GULP1: variants seen among roughly 807,000 people sequenced by gnomAD.
The protein encoded by GULP1 is PTB domain-containing engulfment adapter protein 1.
Under a neutral mutation model 40.9 loss-of-function variants are expected in GULP1, and 19 were observed. The observed-to-expected ratio is 0.46, with a 90% CI of 0.32 to 0.68. The LOEUF is 0.68. Ranked by LOEUF, GULP1 falls within the 30% of genes least tolerant of loss-of-function variation. The pLI, the probability that GULP1 is intolerant of heterozygous loss-of-function variation, is 0.03. For missense variants in GULP1, 312 were observed against 362.2 expected (o/e 0.86, Z 1.12); for synonymous variants, 119 against 117.6 (o/e 1.01, Z -0.08).
At chr2:188,578,648 T>C (rs1434344808) in intron 9 of GULP1, among the ~76,000 whole-genome samples, 1 of 152,114 alleles carries the variant, frequency 6.6e-6, no homozygotes, top group Non-Finnish European at 1.5e-5. Flanking sequence ...ATAATTACCA[T>C]ATAATTTTTG....
rs137954364 is a variant in GULP1, at chr2:188,551,051, A to C, written c.399+9733A>C. On this transcript the variant is annotated intron_variant, in intron 7 of 11. Transcript: ENST00000409830. The stretch of plus-strand genomic sequence containing the variant: ...GTGACCAGCTGTAAACTAGAAAACT[A>C]ATTTTTTAGTTAATTTGTCTGAGGT... 3.9e-4 allele frequency among the ~76,000 whole-genome samples: 59 copies of C among 151,628 alleles called. No individual in the cohort carries two copies. In the East Asian group the frequency reaches 0.011, roughly 27 times the overall value.
intron 2 of GULP1, among the ~76,000 whole-genome samples, chr2:188,464,605 C>T (rs919487019): frequency 2.8e-4 from 43 of 152,106 alleles, no homozygotes; most frequent in Non-Finnish European, 5.7e-4. Flanking sequence ...AGTGAGTTGC[C>T]CCAGGACCTA....
intron 1 of GULP1, among the ~76,000 whole-genome samples, chr2:188,348,167 T>C (rs1332645411): frequency 6.6e-6 from 1 of 152,226 alleles, no homozygotes; most frequent in Non-Finnish European, 1.5e-5. Flanking sequence ...TGAGACTTAA[T>C]TGATATAATA....
chr2:188,481,371 A>T (rs1281493656), intron 3 of GULP1, among the ~76,000 whole-genome samples: 1 of 151,974 alleles, frequency 6.6e-6, no homozygotes, highest in African/African-American at 2.4e-5. Flanking sequence ...AATTAGGATG[A>T]CAGTAAGAAC....
chr2:188,406,573 A>G (rs13423468), intron 2 of GULP1, among the ~76,000 whole-genome samples: 3,593 of 152,284 alleles, frequency 0.024, 159 homozygotes, highest in African/African-American at 0.082. Context: ...AATTAATGAA[A>G]TAAAAAATGC....
chr2:188,414,914 G>A (rs534396663), intron 2 of GULP1, among the ~76,000 whole-genome samples: 1 of 152,198 alleles, frequency 6.6e-6, no homozygotes, highest in Admixed American at 6.5e-5. Flanking sequence ...CAGTGAATAG[G>A]TGGTGTCTGA....
intron 2 of GULP1, among the ~76,000 whole-genome samples, chr2:188,452,790 G>A (rs1293235671): frequency 1.3e-5 from 2 of 152,066 alleles, no homozygotes; most frequent in Admixed American, 6.6e-5. Context: ...CAGAATTCTT[G>A]TTTCTAGAGG....
At chr2:188,345,375 A>G (rs886943099) in intron 1 of GULP1, among the ~76,000 whole-genome samples, 1 of 152,232 alleles carries the variant, frequency 6.6e-6, no homozygotes, top group Admixed American at 6.5e-5. Flanking sequence ...CACCTTAGGT[A>G]CCCTGTTGCA....
intron 1 of GULP1, among the ~76,000 whole-genome samples, chr2:188,354,240 T>C (rs1300699330): frequency 2.6e-5 from 4 of 152,124 alleles, no homozygotes; most frequent in Non-Finnish European, 4.4e-5. Context: ...GCATGGTGCC[T>C]TATCCCCCCA....
intron 2 of GULP1, among the ~76,000 whole-genome samples, chr2:188,409,748 G>C (rs1415342263): frequency 6.6e-6 from 1 of 152,072 alleles, no homozygotes; most frequent in Admixed American, 6.5e-5. Flanking sequence ...CATGTTAAAA[G>C]AATCATTCAC....
intron 1 of GULP1, chr2:188,294,131 G>C (rs1402893126): frequency 6.6e-6 from 1 of 152,178 alleles, no homozygotes; most frequent in African/African-American, 2.4e-5. Context: ...CTTTGTTGCT[G>C]TTTGTCTCCT....
At chr2:188,534,217 C>A (rs1432042744) in intron 6 of GULP1, among the ~76,000 whole-genome samples, 1 of 152,104 alleles carries the variant, frequency 6.6e-6, no homozygotes, top group Non-Finnish European at 1.5e-5. Flanking sequence ...TTCACAATAG[C>A]AAAAACATGG....
chr2:188,486,170 A>G (rs1179599542), intron 4 of GULP1, among the ~76,000 whole-genome samples: 1 of 152,032 alleles, frequency 6.6e-6, no homozygotes, highest in Non-Finnish European at 1.5e-5. Context: ...GGTAGTGATA[A>G]AAAAGTCAGT....
intron 7 of GULP1, among the ~76,000 whole-genome samples, chr2:188,550,795 A>C (rs1057178828): frequency 6.6e-6 from 1 of 151,532 alleles, no homozygotes; most frequent in East Asian, 1.9e-4. Context: ...AAAATAAAAA[A>C]TTAATGTTTT....
At chr2:188,413,128 A>G (rs535422677) in intron 2 of GULP1, among the ~76,000 whole-genome samples, 1 of 152,332 alleles carries the variant, frequency 6.6e-6, no homozygotes, top group Admixed American at 6.5e-5. Context: ...ATATGTTATG[A>G]TTTATGCATA....
rs1158777572 is a variant in GULP1, at chr2:188,587,727, G to A, written c.749-128G>A. 13 of 625,500 alleles carry A rather than the reference G, an allele frequency of 2.1e-5. No individual in the cohort carries two copies. The East Asian group carries it at 3.3e-4, about 16-fold the overall frequency. The allele number at this position is 625,500 out of a possible 1,614,324, so 38.7% of individuals were successfully genotyped here. A position where few individuals can be genotyped will look rare whatever the true frequency, so the allele number is the denominator to read the frequency against. On this transcript the variant is annotated intron_variant, in intron 10 of 11. Transcript: ENST00000409830. ...TAAGGTCAGGAAAGCCCAACATACAGTGTAAGTGTGGGTTAGTGGCTTATT... is the reference window on the plus strand; with the variant it reads ...TAAGGTCAGGAAAGCCCAACATACAATGTAAGTGTGGGTTAGTGGCTTATT...
intron 2 of GULP1, among the ~76,000 whole-genome samples, chr2:188,423,446 T>TA (rs2055735460): frequency 6.6e-6 from 1 of 151,970 alleles, no homozygotes; most frequent in Non-Finnish European, 1.5e-5. Context: ...CAGTGCTGTT[T>TA]ATTATTATAT....
chr2:188,581,764 G>T (rs1190188339), intron 9 of GULP1, among the ~76,000 whole-genome samples: 1 of 152,140 alleles, frequency 6.6e-6, no homozygotes, highest in Non-Finnish European at 1.5e-5. Flanking sequence ...TTTGAATTTT[G>T]AATCTGCTTT....
chr2:188,487,955 A>G (rs2062005723), intron 4 of GULP1, among the ~76,000 whole-genome samples: 2 of 152,000 alleles, frequency 1.3e-5, no homozygotes, highest in South Asian at 4.1e-4. Flanking sequence ...TTGGGTTCAA[A>G]ATACAAACAA....
Sources: gnomAD v4.1 joint callset for allele counts (sites outside exome capture counted in the v4.1 genomes callset) on GRCh38, gnomAD v4.1.1 for gene constraint, MANE v1.5 for transcripts, NCBI Gene and HGNC (gene_info 2026-07-23, HGNC 2026-07-21) for gene names.